Variants in ANKFN1 observed in about 807,000 individuals in gnomAD.
The protein encoded by ANKFN1 is ankyrin repeat and fibronectin type III domain containing 1.
ANKFN1 carries 74 observed loss-of-function variants against 108.7 expected under a neutral mutation model. That is an observed-to-expected ratio of 0.68 (90% CI 0.56 to 0.83). The LOEUF (loss-of-function observed/expected upper bound fraction) is 0.83. Among genes scored for constraint, ANKFN1 ranks in the 40% least tolerant of loss-of-function variants. ANKFN1 has a pLI of 0.00. For synonymous variants in ANKFN1, 547 were observed against 516.2 expected (o/e 1.06, Z -0.81); for missense variants, 1,505 against 1,382.3 (o/e 1.09, Z -1.41).
At chr17:56,053,989 A>G (rs754516089) in intron 4 of ANKFN1, among the ~76,000 whole-genome samples, 5 of 152,156 alleles carry the variant, frequency 3.3e-5, no homozygotes, top group Non-Finnish European at 5.9e-5. Context: ...GTAGTTTTTT[A>G]TCCCTAGCCA....
intron 18 of ANKFN1, among the ~76,000 whole-genome samples, chr17:56,486,571 A>G (rs1434999159): frequency 6.6e-6 from 1 of 152,324 alleles, no homozygotes; most frequent in African/African-American, 2.4e-5. Flanking sequence ...CACCTTATAT[A>G]GGAACTTCCA....
intron 8 of ANKFN1, among the ~76,000 whole-genome samples, chr17:56,394,304 A>G (rs1281866697): frequency 1.3e-5 from 2 of 152,146 alleles, no homozygotes; most frequent in African/African-American, 4.8e-5. Flanking sequence ...CACACTTGCC[A>G]CTGGAAAGTT....
At chr17:56,128,431 A>C (rs2143332174) in intron 4 of ANKFN1, among the ~76,000 whole-genome samples, 1 of 152,280 alleles carries the variant, frequency 6.6e-6, no homozygotes, top group East Asian at 1.9e-4. Context: ...CCTTAGCCAA[A>C]CGAAGAAAGC....
intron 2 of ANKFN1, among the ~76,000 whole-genome samples, chr17:56,217,164 A>G (rs1915484581): frequency 1.3e-5 from 2 of 152,112 alleles, no homozygotes; most frequent in South Asian, 4.2e-4. Context: ...ACCTCCCTCC[A>G]TCCTTCCAGC....
chr17:56,141,505 T>C (rs1179601994), intron 4 of ANKFN1, among the ~76,000 whole-genome samples: 1 of 152,156 alleles, frequency 6.6e-6, no homozygotes, highest in Admixed American at 6.6e-5. Flanking sequence ...GTGGTGTGAA[T>C]GCTTCAGCAA....
intron 3 of ANKFN1, among the ~76,000 whole-genome samples, chr17:56,300,702 C>A (rs928944199): frequency 6.6e-6 from 1 of 151,708 alleles, no homozygotes; most frequent in African/African-American, 2.4e-5. Flanking sequence ...TGTCATCTTT[C>A]ACTGCTGCTC....
At chr17:56,422,462 C>T (rs915886334) in intron 8 of ANKFN1, among the ~76,000 whole-genome samples, 5 of 151,732 alleles carry the variant, frequency 3.3e-5, no homozygotes, top group East Asian at 1.9e-4. Flanking sequence ...CACACATGCA[C>T]ACACACACGC....
intron 15 of ANKFN1, among the ~76,000 whole-genome samples, chr17:56,469,812 A>C (rs913181407): frequency 6.6e-6 from 1 of 150,966 alleles, no homozygotes; most frequent in Non-Finnish European, 1.5e-5. Context: ...TTTAAGTTCC[A>C]GGGTACAAGT....
In ANKFN1 at chr17:56,449,171, C is replaced by T. The variant is rs1377783840; in HGVS notation, c.1192C>T (p.His398Tyr). The stretch of plus-strand genomic sequence containing the variant: ...GCAGCAGGTCCGAGCCCTTCATCAG[C>T]ATTACAGTTGCCGGGGTAAGGATAA... ...LLQQVRALHQ[H>Y]YSCRESTKLQ... Residue 398 changes from histidine to tyrosine, a missense_variant, in exon 11 of 21, where the codon CAT becomes TAT. His to Tyr is a moderately conservative substitution (Grantham distance 83). Transcript: ENST00000682825. 6.2e-7 allele frequency: 1 copy of T among 1,612,972 alleles called. No individual in the cohort carries two copies. Among genetic ancestry groups the T allele is most frequent in the East Asian group, 2.2e-5 (1 of 44,850 alleles).
intron 2 of ANKFN1, among the ~76,000 whole-genome samples, chr17:56,220,805 AGG>A: frequency 1.4e-5 from 1 of 70,804 alleles, no homozygotes; most frequent in African/African-American, 8.1e-5. Context: ...GAAGGGAGGG[AGG>A]GAGGAAGGAA....
rs2048797341 is a variant in ANKFN1, at chr17:56,432,649, A to G, written c.911-7678A>G. Among the ~76,000 whole-genome samples, 3 of 152,316 alleles carry G rather than the reference A, an allele frequency of 2.0e-5. No homozygotes were observed. The South Asian group carries it at 6.2e-4, about 32-fold the overall frequency. On this transcript the variant is annotated intron_variant, in intron 8 of 20. Coordinates refer to ENST00000682825, the MANE Select transcript of ANKFN1 (RefSeq NM_001370326.1). Reference sequence around the variant, plus strand: ...TTTCTGGGCCAGCCCTGGCTTAGACAAGAGCTAATGCAGGGAACCTGGACT... The same window carrying G: ...TTTCTGGGCCAGCCCTGGCTTAGACGAGAGCTAATGCAGGGAACCTGGACT...
intron 18 of ANKFN1, among the ~76,000 whole-genome samples, chr17:56,482,989 T>A (rs928587122): frequency 6.6e-6 from 1 of 152,034 alleles, no homozygotes; most frequent in Non-Finnish European, 1.5e-5. Context: ...GAAATTTAAA[T>A]GTAGAGTGCA....
chr17:56,241,898 C>G (rs914144779), intron 3 of ANKFN1, among the ~76,000 whole-genome samples: 7 of 152,010 alleles, frequency 4.6e-5, no homozygotes, highest in Non-Finnish European at 8.8e-5. Context: ...GATTAAGGGG[C>G]AGGTAGCATA....
intron 1 of ANKFN1, among the ~76,000 whole-genome samples, chr17:56,177,342 G>A (rs1911265643): frequency 6.6e-6 from 1 of 152,200 alleles, no homozygotes; most frequent in Non-Finnish European, 1.5e-5. Context: ...AACACAGATG[G>A]AATTTTGGTT....
intron 3 of ANKFN1, among the ~76,000 whole-genome samples, chr17:56,251,451 T>A (rs1045414961): frequency 6.6e-6 from 1 of 152,190 alleles, no homozygotes; most frequent in African/African-American, 2.4e-5. Flanking sequence ...GTGCATGCAA[T>A]TGGTTTTCTT....
chr17:56,454,507 T>C (rs2049615464), intron 11 of ANKFN1, among the ~76,000 whole-genome samples: 1 of 152,232 alleles, frequency 6.6e-6, no homozygotes. Flanking sequence ...TGTTGATCCT[T>C]CAATGAATGC....
rs889453269 is a variant in ANKFN1, at chr17:56,511,681, A to C, written c.*412A>C. 11 of 160,408 alleles carry C rather than the reference A, an allele frequency of 6.9e-5. No individual in the cohort carries two copies. The highest frequency in any genetic ancestry group is 1.5e-4 in the Non-Finnish European group (11 of 73,806). 9.9% of individuals were successfully genotyped at this position (160,408 alleles called of 1,614,324 possible). On this transcript the variant is annotated 3_prime_UTR_variant, in exon 21 of 21. Transcript: ENST00000682825. The stretch of plus-strand genomic sequence containing the variant: ...GAAGAGAAGTTCTATAAATGAAAAT[A>C]AGATTAGCATCATTTCTCCCTCCAT...
intron 8 of ANKFN1, among the ~76,000 whole-genome samples, chr17:56,433,159 C>A (rs1440554284): frequency 6.6e-6 from 1 of 151,988 alleles, no homozygotes; most frequent in Non-Finnish European, 1.5e-5. Flanking sequence ...TTCTTTATCA[C>A]CCATTGATTC....
chr17:56,315,516 G>A (rs2045177367), intron 3 of ANKFN1, among the ~76,000 whole-genome samples: 2 of 152,316 alleles, frequency 1.3e-5, no homozygotes, highest in South Asian at 2.1e-4. Flanking sequence ...AATCCTCTCT[G>A]AGCAAAATCT....
Sources: allele counts gnomAD v4.1 joint callset (sites outside exome capture counted in the v4.1 genomes callset), GRCh38; gene constraint gnomAD v4.1.1; transcripts MANE v1.5; gene names NCBI Gene and HGNC (gene_info 2026-07-23, HGNC 2026-07-21).